RHOH: variants seen among roughly 807,000 people sequenced by gnomAD.
RHOH encodes the protein ras homolog family member H, also known as rho-related GTP-binding protein RhoH.
Under a neutral mutation model 13.8 loss-of-function variants are expected in RHOH, and 6 were observed. The observed-to-expected ratio is 0.44, with a 90% CI of 0.24 to 0.86. The LOEUF (loss-of-function observed/expected upper bound fraction) is 0.86. Among genes scored for constraint, RHOH ranks in the 40% least tolerant of loss-of-function variants. The probability of loss-of-function intolerance (pLI) is 0.24; values close to 1 mark genes in which losing one functional copy is unlikely to be tolerated. For missense variants in RHOH, 147 were observed against 244.5 expected (o/e 0.60, Z 2.66); for synonymous variants, 117 against 103.0 (o/e 1.14, Z -0.82).
At chr4:40,191,858 A>G (rs1377412030), upstream of RHOH, among the ~76,000 whole-genome samples, 3 of 152,132 alleles carry the variant, frequency 2.0e-5, no homozygotes, top group Non-Finnish European at 4.4e-5. Context: ...AGCAGGGGAA[A>G]TGATGTTTTT....
At chr4:40,195,354 T>TTTCCCTCC, upstream of RHOH, among the ~76,000 whole-genome samples, 1 of 91,950 alleles carries the variant, frequency 1.1e-5, no homozygotes, top group Non-Finnish European at 2.3e-5. Context: ...CTTTCTTTCT[T>TTTCCCTCC]TTCCTTCCTT....
chr4:40,244,324 A>G lies in RHOH; in HGVS notation c.*362A>G, dbSNP rs1179902013. On this transcript the variant is annotated 3_prime_UTR_variant, in exon 3 of 3. Coordinates refer to ENST00000381799, the MANE Select transcript of RHOH (RefSeq NM_004310.5). Reference sequence around the variant, plus strand: ...ATAACAAAATGTATTGCTTTTGTATATATTTAGTTTTCACACTTGGAAAAT... The same window carrying G: ...ATAACAAAATGTATTGCTTTTGTATGTATTTAGTTTTCACACTTGGAAAAT... The G allele has an allele frequency of 4.0e-6, 1 of 252,468 alleles. No individual in the cohort carries two copies. The highest frequency in any genetic ancestry group is 2.2e-5 in the African/African-American group (1 of 45,346). 15.6% of individuals were successfully genotyped at this position (252,468 alleles called of 1,614,324 possible).
upstream of RHOH, among the ~76,000 whole-genome samples, chr4:40,196,313 A>G (rs1000684669): frequency 2.9e-4 from 44 of 152,330 alleles, 1 homozygote; most frequent in African/African-American, 1.0e-3. Flanking sequence ...ACATCACAAA[A>G]GTTCAATTTG....
In RHOH at chr4:40,244,179, T is replaced by C; in HGVS notation, c.*217T>C. On this transcript the variant is annotated 3_prime_UTR_variant, in exon 3 of 3. Transcript: ENST00000381799. ...TGCCCAGGCCAGTTAGAAAATCCCT[T>C]GGGGAACTGTGATGAATATTCCATC... 2.2e-6 allele frequency: 1 copy of C among 448,348 alleles called. No homozygotes were observed. The highest frequency in any genetic ancestry group is 4.1e-6 in the Non-Finnish European group (1 of 246,008). 27.8% of individuals were successfully genotyped at this position (448,348 alleles called of 1,614,324 possible). A position where few individuals can be genotyped will look rare whatever the true frequency, so the allele number is the denominator to read the frequency against.
intron 1 of RHOH, among the ~76,000 whole-genome samples, chr4:40,201,490 T>C (rs1723979387): frequency 6.6e-6 from 1 of 152,222 alleles, no homozygotes; most frequent in Non-Finnish European, 1.5e-5. Flanking sequence ...CCAGTGACAT[T>C]ATTGACTTCT....
chr4:40,231,916 G>T (rs1727991959), intron 1 of RHOH, among the ~76,000 whole-genome samples: 1 of 152,180 alleles, frequency 6.6e-6, no homozygotes, highest in South Asian at 2.1e-4. Flanking sequence ...TTCCTTCATT[G>T]CTCATGTTTC....
chr4:40,206,582 ACTTGCT>A (rs1724665217), intron 1 of RHOH, among the ~76,000 whole-genome samples: 1 of 43,378 alleles, frequency 2.3e-5, no homozygotes, highest in South Asian at 5.5e-4. Context: ...TTGGGCAGTA[ACTTGCT>A]GAAAATTATA....
At chr4:40,227,704 T>C (rs975369805) in intron 1 of RHOH, among the ~76,000 whole-genome samples, 1 of 152,218 alleles carries the variant, frequency 6.6e-6, no homozygotes, top group Non-Finnish European at 1.5e-5. Context: ...ATTAATATCC[T>C]TAATCTCTAA....
chr4:40,197,537 T>G (rs3821990), intron 1 of RHOH, among the ~76,000 whole-genome samples: 9,506 of 152,170 alleles, frequency 0.062, 349 homozygotes, highest in East Asian at 0.12. Flanking sequence ...ATAGTTGGCT[T>G]TTTGGTTTTC....
chr4:40,224,258 C>T (rs182877837), intron 1 of RHOH, among the ~76,000 whole-genome samples: 96 of 152,182 alleles, frequency 6.3e-4, no homozygotes, highest in African/African-American at 2.1e-3. Flanking sequence ...TGGATTCTAT[C>T]GAATGGATAT....
At chr4:40,232,152 G>C (rs1395352425) in intron 1 of RHOH, among the ~76,000 whole-genome samples, 1 of 152,194 alleles carries the variant, frequency 6.6e-6, no homozygotes, top group Admixed American at 6.5e-5. Flanking sequence ...CTTTAACTTG[G>C]CTTCAATGCC....
chr4:40,230,450 C>A (rs1341202038), intron 1 of RHOH, among the ~76,000 whole-genome samples: 1 of 151,980 alleles, frequency 6.6e-6, no homozygotes, highest in Non-Finnish European at 1.5e-5. Flanking sequence ...CCTGACCCAG[C>A]CTCCCGAATA....
intron 1 of RHOH, among the ~76,000 whole-genome samples, chr4:40,234,832 C>T (rs1250493607): frequency 6.8e-6 from 1 of 147,192 alleles, no homozygotes; most frequent in African/African-American, 2.6e-5. Context: ...TCAAGTGGTC[C>T]TTCCACATCA....
chr4:40,226,112 T>C (rs1311005177), intron 1 of RHOH, among the ~76,000 whole-genome samples: 1 of 152,192 alleles, frequency 6.6e-6, no homozygotes, highest in Non-Finnish European at 1.5e-5. Context: ...GGGAGATAGA[T>C]TCTTTTCAGT....
At chr4:40,205,389 G>T (rs1000514294) in intron 1 of RHOH, among the ~76,000 whole-genome samples, 1 of 152,222 alleles carries the variant, frequency 6.6e-6, no homozygotes, top group African/African-American at 2.4e-5. Context: ...TGCTTTTAGG[G>T]TGAAAGGCAT....
upstream of RHOH, chr4:40,193,520 C>T (rs1013299766): frequency 1.5e-4 from 5 of 33,238 alleles, no homozygotes; most frequent in South Asian, 1.3e-3. Flanking sequence ...AGAGGAGGGG[C>T]GGGGTGGGGG....
intron 1 of RHOH, among the ~76,000 whole-genome samples, chr4:40,238,207 C>T (rs992968028): frequency 4.7e-5 from 7 of 147,914 alleles, no homozygotes; most frequent in South Asian, 4.3e-4. Context: ...TCTGATCTGG[C>T]GGGGGCATCT....
chr4:40,207,888 C>T (rs745851083), intron 1 of RHOH, among the ~76,000 whole-genome samples: 9 of 152,174 alleles, frequency 5.9e-5, no homozygotes, highest in Non-Finnish European at 1.2e-4. Context: ...ATTGCTTGAA[C>T]CCAGGAGGCG....
At chr4:40,207,448 T>G (rs1724778246) in intron 1 of RHOH, among the ~76,000 whole-genome samples, 1 of 152,190 alleles carries the variant, frequency 6.6e-6, no homozygotes, top group Admixed American at 6.5e-5. Context: ...GTGTTTCTAT[T>G]ACATTCTAGA....
Sources: allele counts gnomAD v4.1 joint callset (sites outside exome capture counted in the v4.1 genomes callset), GRCh38; gene constraint gnomAD v4.1.1; transcripts MANE v1.5; gene names NCBI Gene and HGNC (gene_info 2026-07-23, HGNC 2026-07-21).